Variants in CYTH3 observed in about 807,000 individuals in gnomAD.
CYTH3 encodes cytohesin 3, also known as cytohesin-3.
Under a neutral mutation model 55.1 loss-of-function variants are expected in CYTH3, and 23 were observed. The observed-to-expected ratio is 0.42, with a 90% confidence interval of 0.30 to 0.59. CYTH3 has a LOEUF of 0.59. Among genes scored for constraint, CYTH3 ranks in the 20% least tolerant of loss-of-function variants. CYTH3 has a pLI of 0.20. For missense variants in CYTH3, 413 were observed against 524.8 expected, an observed-to-expected ratio of 0.79 and a Z score of 2.08; for synonymous variants, 249 against 194.9, an observed-to-expected ratio of 1.28 and a Z score of -2.31.
At chr7:6,175,836 G>A (rs911570105) in intron 5 of CYTH3, among the ~76,000 whole-genome samples, 8 of 152,090 alleles carry the variant, frequency 5.3e-5, no homozygotes, top group Admixed American at 2.6e-4. Flanking sequence ...GTGAGTCACC[G>A]TGCCTGGCCA....
intron 1 of CYTH3, among the ~76,000 whole-genome samples, chr7:6,268,478 T>C (rs1372323135): frequency 6.6e-6 from 1 of 152,186 alleles, no homozygotes; most frequent in Non-Finnish European, 1.5e-5. Flanking sequence ...CCTGCTCTTG[T>C]AACTTAAGAT....
intron 4 of CYTH3, among the ~76,000 whole-genome samples, chr7:6,180,766 G>C (rs1462008166): frequency 6.6e-6 from 1 of 152,074 alleles, no homozygotes; most frequent in Admixed American, 6.5e-5. Flanking sequence ...AGCAGAAATG[G>C]GGGCGGTGGC....
chr7:6,246,439 T>C (rs1230319721), intron 1 of CYTH3, among the ~76,000 whole-genome samples: 1 of 152,106 alleles, frequency 6.6e-6, no homozygotes, highest in East Asian at 1.9e-4. Flanking sequence ...GACATGACCT[T>C]ATCCTGTGAT....
chr7:6,268,393 T>C (rs1780562755), intron 1 of CYTH3, among the ~76,000 whole-genome samples: 1 of 152,016 alleles, frequency 6.6e-6, no homozygotes, highest in Admixed American at 6.5e-5. Context: ...TGGTCTTGAA[T>C]TCCTGACCTC....
At chr7:6,176,254 ATTTTTTTT>A (rs776819156) in intron 5 of CYTH3, among the ~76,000 whole-genome samples, 5 of 82,868 alleles carry the variant, frequency 6.0e-5, no homozygotes, top group Non-Finnish European at 1.1e-4. Flanking sequence ...AATACAATTG[ATTTTTTTT>A]TTTTTTTTTT....
intron 5 of CYTH3, among the ~76,000 whole-genome samples, chr7:6,176,541 A>G (rs1319044217): frequency 1.1e-4 from 16 of 152,150 alleles, no homozygotes; most frequent in African/African-American, 3.4e-4. Flanking sequence ...GATTACAGGC[A>G]TGAGGCACCA....
rs182714406 is a variant in CYTH3, at chr7:6,263,491, T to C, written c.34+8983A>G. Reference sequence around the variant, plus strand: ...CGTTTGTAACACCACCAGTGTAACATTGACATTAAAAAGTTGAACACAGGG... The same window carrying C: ...CGTTTGTAACACCACCAGTGTAACACTGACATTAAAAAGTTGAACACAGGG... On this transcript the variant is annotated intron_variant, in intron 1 of 12. Coordinates refer to ENST00000350796, the MANE Select transcript of CYTH3 (RefSeq NM_004227.4). Among the ~76,000 whole-genome samples, 648 of 152,232 alleles carry C rather than the reference T, an allele frequency of 4.3e-3. 15 individuals are homozygous for C. In the South Asian group the frequency reaches 0.077, roughly 18 times the overall value.
intron 3 of CYTH3, 129 bp downstream of exon 3, chr7:6,187,528 G>C: frequency 1.2e-6 from 1 of 810,544 alleles, no homozygotes; most frequent in Non-Finnish European, 2.2e-6. Context: ...GGGGAGAGGA[G>C]AGGAATTAAC....
At chr7:6,177,029 G>T (rs1046566011) in intron 5 of CYTH3, among the ~76,000 whole-genome samples, 2 of 152,172 alleles carry the variant, frequency 1.3e-5, no homozygotes, top group African/African-American at 4.8e-5. Context: ...CTTGTATGTT[G>T]AACTAACCTT....
Position 6,167,874 on chromosome 7 carries a change from C to G in CYTH3, c.824-2064G>C, listed in dbSNP as rs1783057861. On this transcript the variant is annotated intron_variant, in intron 9 of 12. Coordinates refer to ENST00000350796, the MANE Select transcript of CYTH3 (RefSeq NM_004227.4). The surrounding 1 kb of genome is among the most constrained non-coding windows in gnomAD (Gnocchi z 5.5). Reference sequence around the variant, plus strand: ...GGGAGGGGTCTGCCAGGTGGCCTCTCAGCTCCACCTTGGGTCCCCCGCTCA... The same window carrying G: ...GGGAGGGGTCTGCCAGGTGGCCTCTGAGCTCCACCTTGGGTCCCCCGCTCA... 6.6e-6 allele frequency among the ~76,000 whole-genome samples: 1 copy of G among 152,230 alleles called. No homozygotes were observed. Among genetic ancestry groups the G allele is most frequent in the African/African-American group, 2.4e-5 (1 of 41,462 alleles).
chr7:6,260,995 C>G (rs538030769), intron 1 of CYTH3, among the ~76,000 whole-genome samples: 4 of 152,292 alleles, frequency 2.6e-5, no homozygotes, highest in Admixed American at 6.5e-5. Context: ...AGCTGACTAG[C>G]TCACTGCAGA....
chr7:6,187,546 C>G (rs1309294605), intron 3 of CYTH3, 111 bp downstream of exon 3: 1 of 954,606 alleles, frequency 1.0e-6, no homozygotes, highest in African/African-American at 1.6e-5. Context: ...AACAACTCCA[C>G]AGGCTCCCCA....
chr7:6,231,748 G>A lies in CYTH3; in HGVS notation c.34+40726C>T, dbSNP rs992821673. 3.3e-5 allele frequency among the ~76,000 whole-genome samples: 5 copies of A among 152,276 alleles called. 1 individual carries two copies. On this transcript the variant is annotated intron_variant, in intron 1 of 12. Transcript: ENST00000350796. ...GTAAGAGAATCCTAGATATTAACATGATTATTATCCCCCAAGTGGGGATCC... is the reference window on the plus strand; with the variant it reads ...GTAAGAGAATCCTAGATATTAACATAATTATTATCCCCCAAGTGGGGATCC...
intron 11 of CYTH3, 36 bp downstream of exon 11, chr7:6,165,509 G>T: frequency 6.2e-7 from 1 of 1,610,880 alleles, no homozygotes; most frequent in African/African-American, 1.3e-5. Context: ...CTCCCAGGTG[G>T]CTGGCAGGAG....
At chr7:6,268,849 A>G (rs1001058699) in intron 1 of CYTH3, among the ~76,000 whole-genome samples, 2 of 152,186 alleles carry the variant, frequency 1.3e-5, no homozygotes, top group Admixed American at 1.3e-4. Flanking sequence ...AATTAGTGAC[A>G]GGGGTGATGG....
chr7:6,243,330 G>A (rs1325040684), intron 1 of CYTH3, among the ~76,000 whole-genome samples: 2 of 152,202 alleles, frequency 1.3e-5, no homozygotes, highest in Non-Finnish European at 2.9e-5. Flanking sequence ...GCCAGGTCTG[G>A]CTCTACCACC....
At chr7:6,217,582 G>A (rs970352626) in intron 1 of CYTH3, among the ~76,000 whole-genome samples, 1 of 152,158 alleles carries the variant, frequency 6.6e-6, no homozygotes, top group Non-Finnish European at 1.5e-5. Context: ...AGAGCTGAGA[G>A]ATATCAACAA....
intron 5 of CYTH3, among the ~76,000 whole-genome samples, chr7:6,174,540 T>G (rs12702488): frequency 0.048 from 4,409 of 91,418 alleles, 64 homozygotes; most frequent in Non-Finnish European, 0.063. Flanking sequence ...TCCTTGTGGG[T>G]TTTTTTTTTT....
intron 1 of CYTH3, among the ~76,000 whole-genome samples, chr7:6,231,063 CCT>C (rs1779381122): frequency 6.6e-6 from 1 of 152,154 alleles, no homozygotes; most frequent in Non-Finnish European, 1.5e-5. Flanking sequence ...AGGCCTTTCC[CCT>C]CTCACCTGTA....
Sources: gnomAD v4.1 joint callset for allele counts (sites outside exome capture counted in the v4.1 genomes callset) on GRCh38, gnomAD v4.1.1 for gene constraint, Gnocchi (gnomAD v3.1) non-coding constraint, MANE v1.5 for transcripts, NCBI Gene and HGNC (gene_info 2026-07-23, HGNC 2026-07-21) for gene names.